SULF2: variants seen among roughly 807,000 people sequenced by gnomAD.
SULF2 encodes sulfatase 2.
SULF2 carries 52 observed loss-of-function variants against 107.7 expected under a neutral mutation model. That is an observed-to-expected ratio of 0.48 (90% CI 0.39 to 0.61). SULF2 has a LOEUF of 0.61. Among genes scored for constraint, SULF2 ranks in the 20% least tolerant of loss-of-function variants. The pLI is 0.00. For synonymous variants in SULF2, 460 were observed against 464.3 expected (o/e 0.99, Z 0.12); for missense variants, 993 against 1,177.3 (o/e 0.84, Z 2.29).
At chr20:47,682,768 G>T (rs1260947742) in intron 7 of SULF2, among the ~76,000 whole-genome samples, 2 of 152,160 alleles carry the variant, frequency 1.3e-5, no homozygotes, top group African/African-American at 4.8e-5. Context: ...GGATTTCCTG[G>T]CATACGGCCC....
At chr20:47,705,824 A>G (rs2088717436) in intron 3 of SULF2, among the ~76,000 whole-genome samples, 1 of 144,640 alleles carries the variant, frequency 6.9e-6, no homozygotes, top group Non-Finnish European at 1.5e-5. Context: ...TTTTTGAGAG[A>G]GGGTCTCGCT....
chr20:47,713,542 ATTC>A (rs2089003886), intron 3 of SULF2, among the ~76,000 whole-genome samples: 1 of 152,078 alleles, frequency 6.6e-6, no homozygotes, highest in Non-Finnish European at 1.5e-5. Context: ...GCCTCAGTGA[ATTC>A]TTCTATAAAA....
intron 11 of SULF2, among the ~76,000 whole-genome samples, chr20:47,668,609 C>T (rs2087355821): frequency 6.6e-6 from 1 of 152,246 alleles, no homozygotes. Flanking sequence ...ATTTGGGTAA[C>T]TTCTCAGGAT....
intron 3 of SULF2, among the ~76,000 whole-genome samples, chr20:47,717,381 T>C (rs947371004): frequency 6.3e-4 from 96 of 152,252 alleles, no homozygotes; most frequent in Non-Finnish European, 2.1e-4. Context: ...AGGTTGTCTG[T>C]CTCCACCTGC....
chr20:47,743,197 T>G (rs965060406), intron 2 of SULF2, among the ~76,000 whole-genome samples: 2 of 152,002 alleles, frequency 1.3e-5, no homozygotes, highest in African/African-American at 4.8e-5. Context: ...GGGAGAAAAA[T>G]AAAGGCGGAG....
chr20:47,771,659 T>A (rs780119632), intron 1 of SULF2, among the ~76,000 whole-genome samples: 22 of 150,648 alleles, frequency 1.5e-4, no homozygotes, highest in Non-Finnish European at 1.3e-4. Context: ...CTGCTGTCCC[T>A]GGGAGCCCCT....
chr20:47,713,101 C>T (rs1195371356), intron 3 of SULF2, among the ~76,000 whole-genome samples: 1 of 152,122 alleles, frequency 6.6e-6, no homozygotes, highest in Non-Finnish European at 1.5e-5. Flanking sequence ...GTCTGCAGCA[C>T]AGTGCTACAT....
At chr20:47,720,911 C>T (rs1362161344) in intron 3 of SULF2, among the ~76,000 whole-genome samples, 2 of 152,150 alleles carry the variant, frequency 1.3e-5, no homozygotes, top group Non-Finnish European at 2.9e-5. Context: ...AAAGGAAGCC[C>T]TTTTGCAAAC....
rs2087283422 is a variant in SULF2 at position 47,666,620 on chromosome 20, G to A, written c.1577-132C>T. 1.4e-6 allele frequency: 1 copy of A among 722,424 alleles called. No homozygotes were observed. The highest frequency in any genetic ancestry group is 2.7e-5 in the Admixed American group (1 of 37,494). The allele number at this position is 722,424 out of a possible 1,614,324, so 44.8% of individuals were successfully genotyped here. ...GCTCAGCTTTGCCTGCGACTCGAGG[G>A]GTCGTGGAATCTACCCGCCTGCTCG... On this transcript the variant is annotated intron_variant, in intron 11 of 20. Coordinates refer to ENST00000688720, the MANE Select transcript of SULF2 (RefSeq NM_001387048.1). The surrounding 1 kb of genome is among the most constrained non-coding windows in gnomAD (Gnocchi z 5.4).
intron 3 of SULF2, among the ~76,000 whole-genome samples, chr20:47,730,517 C>A (rs953281398): frequency 2.0e-5 from 3 of 152,136 alleles, no homozygotes; most frequent in Non-Finnish European, 4.4e-5. Context: ...GTGGTGCAAT[C>A]TCGGCTCACT....
At chr20:47,741,463 T>G (rs961981623) in intron 2 of SULF2, among the ~76,000 whole-genome samples, 3 of 152,128 alleles carry the variant, frequency 2.0e-5, no homozygotes, top group Non-Finnish European at 4.4e-5. Context: ...CCCAATATTT[T>G]CTACTCCCTT....
intron 3 of SULF2, among the ~76,000 whole-genome samples, chr20:47,704,120 G>A (rs544034022): frequency 6.6e-6 from 1 of 152,058 alleles, no homozygotes; most frequent in Non-Finnish European, 1.5e-5. Context: ...GGAGATTTGG[G>A]AGCCATGCAC....
At chr20:47,701,396 T>C (rs2088564379) in intron 4 of SULF2, among the ~76,000 whole-genome samples, 1 of 152,178 alleles carries the variant, frequency 6.6e-6, no homozygotes, top group Non-Finnish European at 1.5e-5. Flanking sequence ...TGCACACGTA[T>C]GTGAAAATTC....
Position 47,785,454 on chromosome 20 carries a change from C to CCGCCGCCGCTGCT in SULF2, c.-213_-212insAGCAGCGGCGGCG, listed in dbSNP as rs1568941808. On this transcript the variant is annotated 5_prime_UTR_variant, in exon 1 of 21. Transcript: ENST00000688720. ...GACTCCGCGCCGCCGCTGCCGCTGCCGCCGCCGCCGCCGCCGCTGCCGCTG... is the reference window on the plus strand; with the variant it reads ...GACTCCGCGCCGCCGCTGCCGCTGCCCGCCGCCGCTGCTGCCGCCGCCGCCGCCGCTGCCGCTG... The CCGCCGCCGCTGCT allele has an allele frequency of 5.7e-4, 87 of 153,396 alleles. No individual in the cohort carries two copies. Among genetic ancestry groups the CCGCCGCCGCTGCT allele is most frequent in the African/African-American group, 2.1e-3 (82 of 38,888 alleles). The allele number at this position is 153,396 out of a possible 1,614,324, so 9.5% of individuals were successfully genotyped here.
rs397837137 is a variant in SULF2, at chr20:47,742,927, A to ATTTTTTTTTTTTTTTTTTTT, written c.176-6005_176-5986dup. The stretch of plus-strand genomic sequence containing the variant: ...AGGGAGTTTCAGGATTCAAAACATG[A>ATTTTTTTTTTTTTTTTTTTT]TTTTTTTTTTTTTTTTTTTTTTTTT... On this transcript the variant is annotated intron_variant, in intron 2 of 20. Transcript: ENST00000688720. Among the ~76,000 whole-genome samples the ATTTTTTTTTTTTTTTTTTTT allele has an allele frequency of 9.0e-5, 9 of 99,452 alleles. 4 individuals are homozygous for ATTTTTTTTTTTTTTTTTTTT. The highest frequency in any genetic ancestry group is 7.6e-5 in the African/African-American group (2 of 26,164). The allele number at this position is 99,452 out of a possible 152,430, so 65.2% of individuals were successfully genotyped here.
chr20:47,727,634 C>G (rs1229987418), intron 3 of SULF2, among the ~76,000 whole-genome samples: 1 of 152,150 alleles, frequency 6.6e-6, no homozygotes, highest in Admixed American at 6.5e-5. Context: ...TTCCCCGTGG[C>G]CACTTCCTCT....
chr20:47,667,332 C>T (rs1338590007), intron 11 of SULF2, among the ~76,000 whole-genome samples: 4 of 152,112 alleles, frequency 2.6e-5, no homozygotes, highest in South Asian at 2.1e-4. Flanking sequence ...CCAGGTGGGC[C>T]GGCAACAAGG....
In SULF2 at chr20:47,678,307, G is replaced by A. The variant is rs1406878295; in HGVS notation, c.1193+369C>T. ...GGATGATGATAATGTCCACCTCGCT[G>A]GGTTACTGTGAGGATCAAATTCCTA... On this transcript the variant is annotated intron_variant, in intron 8 of 20. Transcript: ENST00000688720. The surrounding 1 kb of genome is among the most constrained non-coding windows in gnomAD (Gnocchi z 4.5). 2 of 172,056 alleles carry A rather than the reference G, an allele frequency of 1.2e-5. No homozygotes were observed. Among genetic ancestry groups the A allele is most frequent in the Non-Finnish European group, 2.5e-5 (2 of 80,886 alleles). 10.7% of individuals were successfully genotyped at this position (172,056 alleles called of 1,614,324 possible). A position where few individuals can be genotyped will look rare whatever the true frequency, so the allele number is the denominator to read the frequency against.
chr20:47,748,858 C>T (rs1221409037), intron 2 of SULF2, among the ~76,000 whole-genome samples: 1 of 152,200 alleles, frequency 6.6e-6, no homozygotes, highest in Non-Finnish European at 1.5e-5. Flanking sequence ...TGCCCTATCC[C>T]TAGTGGTTTC....
Sources: gnomAD v4.1 joint callset for allele counts (sites outside exome capture counted in the v4.1 genomes callset) on GRCh38, gnomAD v4.1.1 for gene constraint, Gnocchi (gnomAD v3.1) non-coding constraint, MANE v1.5 for transcripts, NCBI Gene and HGNC (gene_info 2026-07-23, HGNC 2026-07-21) for gene names.